LARGE1: variants seen among roughly 807,000 people sequenced by gnomAD.
LARGE1 encodes LARGE xylosyl- and glucuronyltransferase 1.
Under a neutral mutation model 87.6 loss-of-function variants are expected in LARGE1, and 43 were observed. The ratio of observed to expected loss-of-function variants is 0.49; its 90% CI spans 0.38 to 0.63. The LOEUF is 0.63. Among genes scored for constraint, LARGE1 ranks in the 30% least tolerant of loss-of-function variants. LARGE1 has a pLI of 0.00. For synonymous variants in LARGE1, 434 were observed against 394.6 expected, an observed-to-expected ratio of 1.10 and a Z score of -1.18; for missense variants, 802 against 1,000.2, an observed-to-expected ratio of 0.80 and a Z score of 2.67.
At chr22:33,738,828 G>C (rs1016480440) in intron 2 of LARGE1, among the ~76,000 whole-genome samples, 5 of 146,886 alleles carry the variant, frequency 3.4e-5, no homozygotes, top group Non-Finnish European at 7.4e-5. Flanking sequence ...CTGGGTGACA[G>C]AGCGAGACTC....
intron 2 of LARGE1, among the ~76,000 whole-genome samples, chr22:33,753,445 A>G (rs985874203): frequency 1.2e-4 from 18 of 152,174 alleles, no homozygotes; most frequent in African/African-American, 4.3e-4. Flanking sequence ...ACTGGAGCCT[A>G]CAGAAGGAAC....
chr22:33,604,517 G>A lies in LARGE1; in HGVS notation c.533C>T (p.Ala178Val), dbSNP rs377460238. Residue 178 changes from alanine to valine, a missense_variant, in exon 5 of 15, where the codon GCG becomes GTG. By Grantham distance (64) the Ala-to-Val change is moderately conservative. Around this residue, in one of 2 missense-constraint regions of LARGE1, gnomAD observed 625 missense variants for 841.9 expected, o/e 0.74. Transcript: ENST00000397394. Reference sequence around the variant, plus strand: ...GAAGAGCGTGGCCAGGATCTGCTCCGCAATGGAGTCAGCAATAAGGTGGAA... The same window carrying A: ...GAAGAGCGTGGCCAGGATCTGCTCCACAATGGAGTCAGCAATAAGGTGGAA... ...LHFHLIADSI[A>V]EQILATLFQT... 9.3e-6 allele frequency: 15 copies of A among 1,613,982 alleles called. No individual in the cohort carries two copies. Among genetic ancestry groups the A allele is most frequent in the African/African-American group, 8.0e-5 (6 of 74,908 alleles).
At chr22:33,116,597 T>C in the LARGE1 span, among the ~76,000 whole-genome samples, 1 of 151,782 alleles carries the variant, frequency 6.6e-6, no homozygotes. Context: ...TCTCCTGACC[T>C]CGTGATCCGC....
At chr22:33,442,794 CTT>C (rs559941819) in intron 6 of LARGE1, among the ~76,000 whole-genome samples, 27 of 140,048 alleles carry the variant, frequency 1.9e-4, no homozygotes, top group Admixed American at 2.2e-4. Flanking sequence ...ATACTGATAG[CTT>C]TTTTTTTTTT....
At chr22:33,393,590 A>C (rs1043526655) in intron 7 of LARGE1, among the ~76,000 whole-genome samples, 9 of 152,220 alleles carry the variant, frequency 5.9e-5, no homozygotes, top group Admixed American at 3.3e-4. Flanking sequence ...CAGACTTTTG[A>C]CCCTGCTTTT....
At chr22:33,854,360 T>C (rs2063697572) in intron 1 of LARGE1, among the ~76,000 whole-genome samples, 1 of 151,396 alleles carries the variant, frequency 6.6e-6, no homozygotes, top group South Asian at 2.1e-4. Flanking sequence ...AAAAAAAAAA[T>C]CTTGGTCTGG....
intron 6 of LARGE1, among the ~76,000 whole-genome samples, chr22:33,450,447 CAA>C (rs367922467): frequency 0.053 from 6,846 of 128,014 alleles, 219 homozygotes; most frequent in South Asian, 0.13. Flanking sequence ...ACTAAAAATA[CAA>C]AAAAAAAAAA....
chr22:33,592,802 T>C (rs1345837391), intron 5 of LARGE1, among the ~76,000 whole-genome samples: 1 of 152,128 alleles, frequency 6.6e-6, no homozygotes, highest in Non-Finnish European at 1.5e-5. Flanking sequence ...AATACACTTG[T>C]GTATATTTTC....
chr22:33,459,128 C>A (rs778586860), intron 6 of LARGE1, among the ~76,000 whole-genome samples: 1 of 152,058 alleles, frequency 6.6e-6, no homozygotes, highest in Non-Finnish European at 1.5e-5. Flanking sequence ...CTCCCATCAC[C>A]CCTCGGCCCC....
chr22:33,454,819 A>G (rs2147951694), intron 6 of LARGE1, among the ~76,000 whole-genome samples: 1 of 152,102 alleles, frequency 6.6e-6, no homozygotes, highest in East Asian at 1.9e-4. Context: ...CCCACTTTTA[A>G]ATGACCAGAT....
chr22:33,332,676 C>T (rs1937882162), intron 10 of LARGE1, among the ~76,000 whole-genome samples: 1 of 152,226 alleles, frequency 6.6e-6, no homozygotes, highest in African/African-American at 2.4e-5. Flanking sequence ...GATCCAAGAT[C>T]ATACCCTTTC....
At chr22:33,706,273 G>C (rs2082559589) in intron 2 of LARGE1, among the ~76,000 whole-genome samples, 2 of 152,084 alleles carry the variant, frequency 1.3e-5, no homozygotes, top group Non-Finnish European at 1.5e-5. Flanking sequence ...GGATCACACG[G>C]CTCAGCCCAC....
chr22:33,666,019 C>T (rs76223810), intron 2 of LARGE1, among the ~76,000 whole-genome samples: 322 of 152,192 alleles, frequency 2.1e-3, no homozygotes, highest in African/African-American at 7.5e-3. Flanking sequence ...AAAAAAACCT[C>T]GATTTTCATT....
At chr22:33,551,079 G>T (rs759324011) in intron 6 of LARGE1, among the ~76,000 whole-genome samples, 12 of 152,148 alleles carry the variant, frequency 7.9e-5, no homozygotes, top group Non-Finnish European at 1.6e-4. Flanking sequence ...TGGATGATGA[G>T]AAATTAATGT....
chr22:33,455,085 C>T (rs564134981), intron 6 of LARGE1, among the ~76,000 whole-genome samples: 2 of 152,248 alleles, frequency 1.3e-5, no homozygotes, highest in African/African-American at 4.8e-5. Context: ...GACAGAAGGT[C>T]TGTCAGTGTG....
At chr22:33,337,573 T>G in intron 10 of LARGE1, 73 bp downstream of exon 10, 1 of 1,561,348 alleles carries the variant, frequency 6.4e-7, no homozygotes, top group Non-Finnish European at 8.8e-7. Flanking sequence ...ACATAGAGCC[T>G]GGCATGGGGG....
At chr22:33,276,736 T>A (rs564083459) in intron 14 of LARGE1, among the ~76,000 whole-genome samples, 1 of 152,256 alleles carries the variant, frequency 6.6e-6, no homozygotes, top group African/African-American at 2.4e-5. Flanking sequence ...TCGTGTCTGT[T>A]ACGTGACTCA....
chr22:33,792,697 A>G (rs2085861104), intron 1 of LARGE1, among the ~76,000 whole-genome samples: 1 of 152,194 alleles, frequency 6.6e-6, no homozygotes, highest in South Asian at 2.1e-4. Context: ...AAAGCACAGA[A>G]GCAAAAAAAC....
At chr22:33,852,878 AAGAAAG>A (rs1375721948) in intron 1 of LARGE1, among the ~76,000 whole-genome samples, 550 of 41,290 alleles carry the variant, frequency 0.013, 30 homozygotes, top group African/African-American at 0.069. Context: ...AAAAAAAAAA[AAGAAAG>A]AAAGAAAGAA....
Sources: allele counts gnomAD v4.1 joint callset (sites outside exome capture counted in the v4.1 genomes callset), GRCh38; gene constraint gnomAD v4.1.1; regional missense constraint gnomAD v4.1.1; transcripts MANE v1.5; gene names NCBI Gene and HGNC (gene_info 2026-07-23, HGNC 2026-07-21).